Variants in PARM1 observed in about 807,000 individuals in gnomAD.
The protein encoded by PARM1 is prostate androgen-regulated mucin-like protein 1.
In PARM1, 14 loss-of-function variants were observed where a neutral mutation model predicts 24.6. That is an observed-to-expected ratio of 0.57 (90% CI 0.38 to 0.89). The LOEUF (loss-of-function observed/expected upper bound fraction) is 0.89, where lower values mean the gene tolerates loss of function less well. Ranked by LOEUF, PARM1 falls within the 40% of genes least tolerant of loss-of-function variation. The pLI is 0.00. For synonymous variants in PARM1, 179 were observed against 156.6 expected, an observed-to-expected ratio of 1.14 and a Z score of -1.07; for missense variants, 362 against 380.4, an observed-to-expected ratio of 0.95 and a Z score of 0.40.
chr4:74,962,269 A>G (rs1721790344), intron 1 of PARM1, among the ~76,000 whole-genome samples: 2 of 152,228 alleles, frequency 1.3e-5, no homozygotes, highest in Admixed American at 6.5e-5. Context: ...ATGTAATACC[A>G]TAAGAACCAC....
intron 1 of PARM1, among the ~76,000 whole-genome samples, chr4:74,968,436 AAT>A (rs1166482863): frequency 6.6e-6 from 1 of 152,242 alleles, no homozygotes; most frequent in Non-Finnish European, 1.5e-5. Context: ...TGTAGTCTCT[AAT>A]AAGACTTCAG....
In PARM1 at chr4:74,955,945, A is replaced by G. The variant is rs1254144203; in HGVS notation, c.43+22575A>G. On this transcript the variant is annotated intron_variant, in intron 1 of 3. Transcript: ENST00000307428. The stretch of plus-strand genomic sequence containing the variant: ...GTTTGCAAAGGTCTCCAAAGTTTAG[A>G]CCTCCAAAAAAAACTAATTCAAAAG... 7 of 152,196 alleles carry G rather than the reference A, an allele frequency of 4.6e-5. No homozygotes were observed. The East Asian group carries it at 1.3e-3, about 29-fold the overall frequency. The allele number at this position is 152,196 out of a possible 1,614,324, so 9.4% of individuals were successfully genotyped here.
intron 1 of PARM1, among the ~76,000 whole-genome samples, chr4:74,965,647 C>A (rs1316080877): frequency 6.6e-6 from 1 of 151,354 alleles, no homozygotes; most frequent in African/African-American, 2.5e-5. Context: ...ATCAAAAAGT[C>A]ATCTCAAAAA....
intron 1 of PARM1, chr4:74,999,109 T>A (rs560590985): frequency 6.6e-6 from 1 of 152,266 alleles, no homozygotes; most frequent in Non-Finnish European, 1.5e-5. Flanking sequence ...ATCCAAACTC[T>A]GCCTCAGTAC....
chr4:75,009,979 T>A (rs1722841965), intron 1 of PARM1, among the ~76,000 whole-genome samples: 1 of 152,212 alleles, frequency 6.6e-6, no homozygotes, highest in Non-Finnish European at 1.5e-5. Flanking sequence ...AATTACCATA[T>A]GATTCATTAA....
chr4:74,980,578 C>T (rs1722229030), intron 1 of PARM1, among the ~76,000 whole-genome samples: 1 of 152,240 alleles, frequency 6.6e-6, no homozygotes, highest in African/African-American at 2.4e-5. Context: ...CATTAAACTA[C>T]CATTGACATT....
intron 3 of PARM1, among the ~76,000 whole-genome samples, chr4:75,040,430 C>T (rs1723459550): frequency 6.6e-6 from 1 of 151,888 alleles, no homozygotes; most frequent in South Asian, 2.1e-4. Flanking sequence ...TTAAAAGAAA[C>T]CCAGAGTCTG....
At chr4:75,014,425 A>AG (rs898351884) in intron 2 of PARM1, among the ~76,000 whole-genome samples, 1 of 152,174 alleles carries the variant, frequency 6.6e-6, no homozygotes, top group East Asian at 1.9e-4. Flanking sequence ...GGAGAACCAC[A>AG]GGGGGTCACA....
chr4:74,939,344 T>C (rs1198495016), intron 1 of PARM1, among the ~76,000 whole-genome samples: 1 of 152,192 alleles, frequency 6.6e-6, no homozygotes, highest in African/African-American at 2.4e-5. Flanking sequence ...ATGAGATATT[T>C]TGATTCTGAT....
At chr4:74,961,273 A>G (rs1355965791) in intron 1 of PARM1, among the ~76,000 whole-genome samples, 1 of 152,186 alleles carries the variant, frequency 6.6e-6, no homozygotes, top group Non-Finnish European at 1.5e-5. Flanking sequence ...AGAAAAAAAT[A>G]TCAAAGAAAA....
At chr4:75,023,604 C>A (rs938098507) in intron 2 of PARM1, among the ~76,000 whole-genome samples, 7 of 152,158 alleles carry the variant, frequency 4.6e-5, no homozygotes, top group Non-Finnish European at 4.4e-5. Flanking sequence ...ACTTAAGTAC[C>A]TGCCTACAGC....
intron 1 of PARM1, among the ~76,000 whole-genome samples, chr4:74,993,395 C>T (rs1464677782): frequency 2.0e-5 from 3 of 152,250 alleles, no homozygotes; most frequent in Non-Finnish European, 4.4e-5. Context: ...GCCCTGGCTA[C>T]ACCTTGTTTG....
intron 1 of PARM1, among the ~76,000 whole-genome samples, chr4:74,981,199 T>C (rs1722248747): frequency 6.6e-6 from 1 of 152,204 alleles, no homozygotes; most frequent in African/African-American, 2.4e-5. Context: ...GAGAACATTT[T>C]TGCAATCTAT....
intron 2 of PARM1, among the ~76,000 whole-genome samples, chr4:75,026,155 C>A (rs1266535431): frequency 6.6e-6 from 1 of 152,134 alleles, no homozygotes; most frequent in Non-Finnish European, 1.5e-5. Context: ...AAGATGCTTT[C>A]TTTTTGCAAC....
intron 1 of PARM1, among the ~76,000 whole-genome samples, chr4:74,992,900 G>T (rs1035293397): frequency 6.6e-6 from 1 of 152,108 alleles, no homozygotes; most frequent in Admixed American, 6.6e-5. Flanking sequence ...GGAGTGAAGT[G>T]CTCCAGAAAG....
chr4:75,013,198 T>G (rs759882689), intron 2 of PARM1, 48 bp downstream of exon 2: 1 of 1,549,298 alleles, frequency 6.5e-7, no homozygotes, highest in African/African-American at 1.4e-5. Context: ...ACCCTCACAT[T>G]AAGAATGCAG....
At chr4:74,936,716 AAGTGCT>A (rs1721200795) in intron 1 of PARM1, among the ~76,000 whole-genome samples, 1 of 151,896 alleles carries the variant, frequency 6.6e-6, no homozygotes, top group Non-Finnish European at 1.5e-5. Context: ...CGGACTCCCA[AAGTGCT>A]AGGATTACAG....
chr4:75,012,552 C>T lies in PARM1; in HGVS notation c.171C>T (p.Ser57=). 1 of 1,613,980 alleles carries T rather than the reference C, an allele frequency of 6.2e-7. No individual in the cohort carries two copies. The highest frequency in any genetic ancestry group is 8.5e-7 in the Non-Finnish European group (1 of 1,179,902). ...QNTDADTASP[S]NGTHNNSVLP... is the part of the protein sequence containing the mutation. ...CTGATGCAGACACTGCCTCCCCATCCAACGGCACTCACAACAACTCGGTGC... is the reference window on the plus strand; with the variant it reads ...CTGATGCAGACACTGCCTCCCCATCTAACGGCACTCACAACAACTCGGTGC... Residue 57 remains serine, a synonymous_variant, in exon 2 of 4, where the codon TCC becomes TCT. Transcript: ENST00000307428.
At chr4:75,030,235 A>C (rs1326992590) in intron 2 of PARM1, among the ~76,000 whole-genome samples, 1 of 152,158 alleles carries the variant, frequency 6.6e-6, no homozygotes, top group Non-Finnish European at 1.5e-5. Context: ...AAAATGCAAA[A>C]CCAGGACTAA....
Sources: gnomAD v4.1 joint callset for allele counts (sites outside exome capture counted in the v4.1 genomes callset) on GRCh38, gnomAD v4.1.1 for gene constraint, MANE v1.5 for transcripts, NCBI Gene and HGNC (gene_info 2026-07-23, HGNC 2026-07-21) for gene names.